HK1: variants seen among roughly 807,000 people sequenced by gnomAD.
HK1 encodes the protein hexokinase-1.
In HK1, 28 loss-of-function variants were observed where a neutral mutation model predicts 91.6. That is an observed-to-expected ratio of 0.31 (90% confidence interval 0.23 to 0.42). The LOEUF (loss-of-function observed/expected upper bound fraction) is 0.42, where lower values mean the gene tolerates loss of function less well. Ranked by LOEUF, HK1 falls within the 10% of genes least tolerant of loss-of-function variation. The probability of loss-of-function intolerance (pLI) is 1.00; values close to 1 mark genes in which losing one functional copy is unlikely to be tolerated. For missense variants in HK1, 770 were observed against 1,219.8 expected (o/e 0.63, Z 5.49); for synonymous variants, 430 against 468.1 (o/e 0.92, Z 1.05).
intron 2 of HK1, among the ~76,000 whole-genome samples, chr10:69,288,441 T>C (rs1159817122): frequency 6.6e-6 from 1 of 152,156 alleles, no homozygotes; most frequent in Non-Finnish European, 1.5e-5. Context: ...TGCAGTGAGC[T>C]ATGATGGCGC....
chr10:69,358,863 CA>C (rs771610951), intron 2 of HK1, among the ~76,000 whole-genome samples: 1,975 of 80,422 alleles, frequency 0.025, 21 homozygotes, highest in African/African-American at 0.065. Flanking sequence ...AGCTCTGTCT[CA>C]AAAAAAAAAA....
intron 1 of HK1, among the ~76,000 whole-genome samples, chr10:69,327,000 CT>C (rs1042738695): frequency 0.011 from 1,200 of 110,926 alleles, 8 homozygotes; most frequent in African/African-American, 0.033. Flanking sequence ...TGGTTTTAAA[CT>C]TTTTTTTTTT....
chr10:69,371,591 CTT>C (rs1850009058), intron 7 of HK1, among the ~76,000 whole-genome samples: 1 of 152,206 alleles, frequency 6.6e-6, no homozygotes, highest in African/African-American at 2.4e-5. Flanking sequence ...TGAGAAGTCT[CTT>C]TTCTTAGAAG....
intron 1 of HK1, among the ~76,000 whole-genome samples, chr10:69,334,531 G>A (rs140259650): frequency 2.6e-5 from 4 of 152,286 alleles, no homozygotes; most frequent in African/African-American, 4.8e-5. Flanking sequence ...GGCCGCTGCC[G>A]GGGGAGAAGG....
intron 2 of HK1, among the ~76,000 whole-genome samples, chr10:69,286,083 T>C (rs1845018518): frequency 6.6e-6 from 1 of 152,192 alleles, no homozygotes; most frequent in Non-Finnish European, 1.5e-5. Flanking sequence ...GTGTTTTAAC[T>C]AGACTCGGGA....
chr10:69,283,454 CAAT>C (rs201639629), intron 2 of HK1, among the ~76,000 whole-genome samples: 13 of 149,198 alleles, frequency 8.7e-5, no homozygotes, highest in Admixed American at 1.3e-4. Context: ...GACCCTGTCT[CAAT>C]AATAATAATA....
At chr10:69,373,520 T>C (rs1463686370) in intron 7 of HK1, among the ~76,000 whole-genome samples, 1 of 152,086 alleles carries the variant, frequency 6.6e-6, no homozygotes, top group African/African-American at 2.4e-5. Flanking sequence ...CACATGCTTG[T>C]CTTATACTGT....
chr10:69,399,816 C>G (rs1371063532), intron 17 of HK1, among the ~76,000 whole-genome samples: 1 of 152,126 alleles, frequency 6.6e-6, no homozygotes, highest in Non-Finnish European at 1.5e-5. Context: ...TACTCTGGGA[C>G]TGTAGGCAAA....
rs913884850 is a variant in HK1 at position 69,285,210 on chromosome 10, G to A, written c.-215+2506G>A. On this transcript the variant is annotated intron_variant, in intron 2 of 21. Transcript: ENST00000360289. The stretch of plus-strand genomic sequence containing the variant: ...AACACTTTGGGAGGCCGAGGTGGGT[G>A]GATCGCAAGGTCAGGAGATCGAGAC... Among the ~76,000 whole-genome samples the A allele has an allele frequency of 5.3e-5, 8 of 152,050 alleles. No individual in the cohort carries two copies. The East Asian group carries it at 5.9e-4, about 11-fold the overall frequency.
chr10:69,285,044 C>T (rs1844952389), intron 2 of HK1, among the ~76,000 whole-genome samples: 1 of 152,068 alleles, frequency 6.6e-6, no homozygotes, highest in South Asian at 2.1e-4. Flanking sequence ...GTCTCGAACT[C>T]CTGACCTCAG....
intron 1 of HK1, among the ~76,000 whole-genome samples, chr10:69,332,525 C>T (rs1214333237): frequency 6.6e-6 from 1 of 151,856 alleles, no homozygotes; most frequent in African/African-American, 2.4e-5. Context: ...ATTACAGGAG[C>T]GCCGCACCAC....
intron 3 of HK1, among the ~76,000 whole-genome samples, chr10:69,293,653 C>A (rs1377680214): frequency 1.3e-5 from 2 of 152,094 alleles, no homozygotes; most frequent in Non-Finnish European, 2.9e-5. Flanking sequence ...CAGACTGGCT[C>A]CCTCAGAGGT....
chr10:69,353,313 G>C (rs2132726791), intron 2 of HK1, among the ~76,000 whole-genome samples: 1 of 152,312 alleles, frequency 6.6e-6, no homozygotes, highest in African/African-American at 2.4e-5. Context: ...AACAGGCCAG[G>C]TATGATGGCT....
At chr10:69,293,938 T>C (rs1400203031) in intron 3 of HK1, among the ~76,000 whole-genome samples, 1 of 144,190 alleles carries the variant, frequency 6.9e-6, no homozygotes, top group East Asian at 2.1e-4. Context: ...CTCGGCTCAC[T>C]GCAAGCTCCG....
chr10:69,354,232 C>T (rs11596587), intron 2 of HK1, among the ~76,000 whole-genome samples: 15,674 of 152,120 alleles, frequency 0.1, 1,338 homozygotes, highest in African/African-American at 0.22. Flanking sequence ...CACATGATGG[C>T]GTAACTGCTT....
At chr10:69,290,395 A>T (rs1435324120) in intron 3 of HK1, among the ~76,000 whole-genome samples, 1 of 152,148 alleles carries the variant, frequency 6.6e-6, no homozygotes, top group Non-Finnish European at 1.5e-5. Context: ...CCTCAGTCCT[A>T]CAAGAGTAGC....
At chr10:69,307,899 C>G (rs929299617) in intron 5 of HK1, among the ~76,000 whole-genome samples, 1 of 151,980 alleles carries the variant, frequency 6.6e-6, no homozygotes, top group African/African-American at 2.4e-5. Flanking sequence ...AGTGTGGTGG[C>G]ACGATCTCGG....
upstream of HK1, chr10:69,316,144 C>T: frequency 1.2e-6 from 1 of 813,306 alleles, no homozygotes; most frequent in African/African-American, 1.7e-5. Flanking sequence ...ATGGAGTGGA[C>T]ATGGTGGGGG....
intron 4 of HK1, among the ~76,000 whole-genome samples, chr10:69,298,430 A>G (rs1363720083): frequency 6.6e-6 from 1 of 151,652 alleles, no homozygotes; most frequent in East Asian, 1.9e-4. Context: ...TCTTGAGAAC[A>G]TCCTGGGCAA....
Sources: gnomAD v4.1 joint callset for allele counts (sites outside exome capture counted in the v4.1 genomes callset) on GRCh38, gnomAD v4.1.1 for gene constraint, MANE v1.5 for transcripts, NCBI Gene and HGNC (gene_info 2026-07-23, HGNC 2026-07-21) for gene names.